Variants in MID2 observed in about 807,000 individuals in gnomAD.
The protein encoded by MID2 is midline 2.
MID2 carries 13 observed loss-of-function variants against 46.1 expected under a neutral mutation model. The observed-to-expected ratio is 0.28, with a 90% confidence interval of 0.18 to 0.45. The LOEUF is 0.45. Among genes scored for constraint, MID2 ranks in the 20% least tolerant of loss-of-function variants. MID2 has a pLI of 1.00. For missense variants in MID2, 431 were observed against 575.4 expected, an observed-to-expected ratio of 0.75 and a Z score of 2.57; for synonymous variants, 199 against 212.3, an observed-to-expected ratio of 0.94 and a Z score of 0.55.
At chrX:107,856,892 C>T (rs1418682112) in intron 3 of MID2, among the ~76,000 whole-genome samples, 1 of 112,028 alleles carries the variant, frequency 8.9e-6, no homozygotes, top group Non-Finnish European at 1.9e-5. Context: ...TAAATCCGAT[C>T]ATGTAAGCCA....
intron 7 of MID2, among the ~76,000 whole-genome samples, chrX:107,920,025 T>C (rs1243869251): frequency 8.9e-6 from 1 of 112,191 alleles, no homozygotes; most frequent in Non-Finnish European, 1.9e-5. Context: ...TTTCTTCCTC[T>C]AGTTATTGAT....
intron 3 of MID2, chrX:107,896,391 G>C (rs1473479898): frequency 8.9e-6 from 1 of 112,079 alleles, no homozygotes; most frequent in Non-Finnish European, 1.9e-5. Flanking sequence ...CAGTTACTTT[G>C]CTTACAAAGA....
intron 3 of MID2, among the ~76,000 whole-genome samples, chrX:107,899,889 G>A (rs1385975664): frequency 8.9e-6 from 1 of 111,774 alleles, no homozygotes; most frequent in Non-Finnish European, 1.9e-5. Context: ...TCAATTAAGC[G>A]TTAATAAGCA....
intron 2 of MID2, 78 bp from the exon 3 acceptor site, chrX:107,854,531 A>G (rs1175164692): frequency 1.4e-6 from 1 of 701,234 alleles, no homozygotes; most frequent in Non-Finnish European, 2.3e-6. Flanking sequence ...TTTTCACATG[A>G]CATTGGTTCT....
At chrX:107,826,841 G>A (rs1260869722) in intron 1 of MID2, among the ~76,000 whole-genome samples, 1 of 113,560 alleles carries the variant, frequency 8.8e-6, no homozygotes, top group Non-Finnish European at 1.9e-5. Flanking sequence ...CGGCCCAGGC[G>A]TCGCCCCTTG....
chrX:107,851,693 C>T (rs1931620242), intron 2 of MID2, among the ~76,000 whole-genome samples: 2 of 110,527 alleles, frequency 1.8e-5, no homozygotes, highest in African/African-American at 6.6e-5. Flanking sequence ...AACAAACAAA[C>T]AAAGAAACTA....
Position 107,894,828 on chromosome X carries a change from A to AGTGTGTGTGTGTGT in MID2, c.817-9106_817-9093dup, listed in dbSNP as rs1160011458. The AGTGTGTGTGTGTGT allele has an allele frequency of 2.0e-4, 16 of 81,024 alleles. No individual in the cohort carries two copies. The East Asian group carries it at 2.5e-3, about 13-fold the overall frequency. The allele number at this position is 81,024 out of a possible 1,213,427, so 6.7% of individuals were successfully genotyped here. A position where few individuals can be genotyped will look rare whatever the true frequency, so the allele number is the denominator to read the frequency against. On this transcript the variant is annotated intron_variant, in intron 3 of 9. Coordinates refer to ENST00000262843, the MANE Select transcript of MID2 (RefSeq NM_012216.4). ...ATAAACTAGGTTACAGAGTGGGGTG[A>AGTGTGTGTGTGTGT]GTGTGTGTGTGTGTGTGTGTGTGTG...
chrX:107,875,984 T>A (rs962416535), intron 3 of MID2, among the ~76,000 whole-genome samples: 4 of 111,841 alleles, frequency 3.6e-5, no homozygotes, highest in Non-Finnish European at 7.5e-5. Flanking sequence ...ATTTGGGAGA[T>A]TGGCTCTGGA....
At chrX:107,854,281 G>T (rs1281429239) in intron 2 of MID2, among the ~76,000 whole-genome samples, 1 of 111,680 alleles carries the variant, frequency 9.0e-6, no homozygotes, top group Non-Finnish European at 1.9e-5. Context: ...ATATGCTGTG[G>T]GATTACTATG....
intron 3 of MID2, among the ~76,000 whole-genome samples, chrX:107,879,120 T>C (rs1286689360): frequency 9.0e-6 from 1 of 111,407 alleles, no homozygotes; most frequent in African/African-American, 3.3e-5. Flanking sequence ...GGTGGGGCCA[T>C]GACCCCTGAA....
At position 107,928,723 on chromosome X, in the gene MID2, A is replaced by G. The variant is rs1933231894; in HGVS notation, c.*1650A>G. Among the ~76,000 whole-genome samples the G allele has an allele frequency of 8.9e-6, 1 of 111,848 alleles. No homozygotes were observed. Among genetic ancestry groups the G allele is most frequent in the African/African-American group, 3.2e-5 (1 of 30,787 alleles). The stretch of plus-strand genomic sequence containing the variant: ...TCTACCTGCTGCCAAATGGCTTACT[A>G]TTCTGTGGAAGAAACAAAGTATATA... On this transcript the variant is annotated 3_prime_UTR_variant, in exon 10 of 10. Coordinates refer to ENST00000262843, the MANE Select transcript of MID2 (RefSeq NM_012216.4).
At chrX:107,827,042 G>T (rs1930971321) in intron 1 of MID2, among the ~76,000 whole-genome samples, 1 of 112,825 alleles carries the variant, frequency 8.9e-6, no homozygotes, top group South Asian at 3.6e-4. Flanking sequence ...ACTTACATAT[G>T]TCCACAGGAC....
chrX:107,856,217 T>A (rs770960272), intron 3 of MID2, among the ~76,000 whole-genome samples: 1 of 112,086 alleles, frequency 8.9e-6, no homozygotes, highest in Non-Finnish European at 1.9e-5. Flanking sequence ...TCAAAGTGGC[T>A]TTCAGCTAAT....
chrX:107,920,990 C>T lies in MID2; in HGVS notation c.1435+3251C>T, dbSNP rs771741060. On this transcript the variant is annotated intron_variant, in intron 7 of 9. Coordinates refer to ENST00000262843, the MANE Select transcript of MID2 (RefSeq NM_012216.4). ...TAGTTACCAACTTGAAGAAATTTAA[C>T]GTTGATGCAATACTTTTATCTAACC... 7.2e-5 allele frequency among the ~76,000 whole-genome samples: 8 copies of T among 111,703 alleles called. No homozygotes were observed. The South Asian group carries it at 1.9e-3, about 26-fold the overall frequency.
chrX:107,857,491 G>A (rs1931765514), intron 3 of MID2, among the ~76,000 whole-genome samples: 1 of 111,616 alleles, frequency 9.0e-6, no homozygotes, highest in African/African-American at 3.3e-5. Context: ...GTGTTGCCCA[G>A]GCTGGTCTTG....
chrX:107,853,432 T>C (rs570776065), intron 2 of MID2, among the ~76,000 whole-genome samples: 3 of 111,290 alleles, frequency 2.7e-5, no homozygotes, highest in African/African-American at 9.8e-5. Flanking sequence ...CCTGAGTCAC[T>C]GGAACTATAG....
At chrX:107,850,284 A>G (rs1473850327) in intron 2 of MID2, among the ~76,000 whole-genome samples, 3 of 111,252 alleles carry the variant, frequency 2.7e-5, no homozygotes, top group Admixed American at 9.6e-5. Context: ...AAATTATTCA[A>G]ACCTAGAGTG....
At chrX:107,889,908 A>G (rs763111921) in intron 3 of MID2, among the ~76,000 whole-genome samples, 1 of 111,910 alleles carries the variant, frequency 8.9e-6, no homozygotes, top group East Asian at 2.8e-4. Context: ...AGTTGATCGA[A>G]TCAGCTACTG....
chrX:107,907,160 A>G (rs1439014228), intron 5 of MID2, among the ~76,000 whole-genome samples: 2 of 112,096 alleles, frequency 1.8e-5, no homozygotes, highest in African/African-American at 6.5e-5. Flanking sequence ...GCAGCACCCT[A>G]CTGGAGAAAA....
Sources: gnomAD v4.1 joint callset for allele counts (sites outside exome capture counted in the v4.1 genomes callset) on GRCh38, gnomAD v4.1.1 for gene constraint, MANE v1.5 for transcripts, NCBI Gene and HGNC (gene_info 2026-07-23, HGNC 2026-07-21) for gene names.